The following CALN1 variants were observed in gnomAD, a reference collection of about 807,000 sequenced individuals.
CALN1 encodes the protein calcium-binding protein 8.
Under a neutral mutation model 30.6 loss-of-function variants are expected in CALN1, and 17 were observed. That is an observed-to-expected ratio of 0.56 (90% CI 0.38 to 0.83). The LOEUF (loss-of-function observed/expected upper bound fraction) is 0.83. Ranked by LOEUF, CALN1 falls within the 40% of genes least tolerant of loss-of-function variation. The pLI, the probability that CALN1 is intolerant of heterozygous loss-of-function variation, is 0.00. For missense variants in CALN1, 291 were observed against 354.9 expected, an observed-to-expected ratio of 0.82 and a Z score of 1.45; for synonymous variants, 156 against 131.4, an observed-to-expected ratio of 1.19 and a Z score of -1.28.
At chr7:72,165,467 G>T (rs1209748119) in intron 3 of CALN1, among the ~76,000 whole-genome samples, 11 of 151,958 alleles carry the variant, frequency 7.2e-5, no homozygotes, top group Non-Finnish European at 1.3e-4. Flanking sequence ...TACTCAGGAG[G>T]CTGAGACAGG....
At chr7:72,186,771 T>C (rs1269754361) in intron 3 of CALN1, among the ~76,000 whole-genome samples, 2 of 152,122 alleles carry the variant, frequency 1.3e-5, no homozygotes, top group African/African-American at 2.4e-5. Context: ...TGTAGTATTC[T>C]ATGGCGCACA....
chr7:72,447,209 T>C (rs1451505244), upstream of CALN1: 2 of 152,664 alleles, frequency 1.3e-5, no homozygotes, highest in African/African-American at 4.8e-5. Context: ...ACTGAGCAGA[T>C]TTAAAGGGCT....
rs3032250 is a variant in CALN1, at chr7:72,278,008, C to CGGGGG, written c.244+673_244+677dup. Among the ~76,000 whole-genome samples the CGGGGG allele has an allele frequency of 1.2e-3, 59 of 49,012 alleles. No individual in the cohort carries two copies. The East Asian group carries it at 0.014, about 12-fold the overall frequency. 32.2% of individuals were successfully genotyped at this position (49,012 alleles called of 152,430 possible). ...GCCAAATCAACCTAATCCTCTATTC[C>CGGGGG]GGGGGGGGGGGACTTGTTTTTCCTA... On this transcript the variant is annotated intron_variant, in intron 3 of 6. Transcript: ENST00000395275.
chr7:72,158,741 T>C (rs946361757), intron 3 of CALN1, among the ~76,000 whole-genome samples: 33 of 152,188 alleles, frequency 2.2e-4, no homozygotes, highest in African/African-American at 7.5e-4. Flanking sequence ...GCATTAAGGG[T>C]AGTGGAGCGA....
chr7:72,284,872 T>C (rs1797980105), intron 2 of CALN1, among the ~76,000 whole-genome samples: 1 of 151,988 alleles, frequency 6.6e-6, no homozygotes, highest in African/African-American at 2.4e-5. Context: ...GATGGATAGG[T>C]AGGTAGGTAG....
chr7:72,256,551 T>C (rs939286807), intron 3 of CALN1, among the ~76,000 whole-genome samples: 1 of 152,176 alleles, frequency 6.6e-6, no homozygotes, highest in African/African-American at 2.4e-5. Context: ...GACTTGGTTT[T>C]TCCCTTTCAC....
chr7:72,151,323 CA>C (rs1787228811), intron 3 of CALN1, among the ~76,000 whole-genome samples: 1 of 151,320 alleles, frequency 6.6e-6, no homozygotes, highest in Non-Finnish European at 1.5e-5. Flanking sequence ...CATCTTCACG[CA>C]ATCTTCTAAT....
chr7:72,219,472 C>T (rs899818451), intron 3 of CALN1, among the ~76,000 whole-genome samples: 6 of 152,104 alleles, frequency 3.9e-5, no homozygotes, highest in African/African-American at 1.4e-4. Flanking sequence ...TCAAGTGATC[C>T]TCCTGCCCCA....
intron 1 of CALN1, 41 bp from the exon 2 acceptor site, chr7:72,403,483 G>A (rs1806488389): frequency 2.7e-6 from 2 of 746,314 alleles, no homozygotes; most frequent in Non-Finnish European, 4.2e-6. Flanking sequence ...GCACAGTGCT[G>A]GGCGATTATT....
chr7:71,823,175 CGT>C (rs1788691024), intron 5 of CALN1, among the ~76,000 whole-genome samples: 1 of 145,546 alleles, frequency 6.9e-6, no homozygotes, highest in African/African-American at 2.7e-5. Flanking sequence ...TCTCTCTCTC[CGT>C]CTCTCTCTCT....
At chr7:71,930,620 G>A (rs958806044) in intron 5 of CALN1, among the ~76,000 whole-genome samples, 1 of 152,146 alleles carries the variant, frequency 6.6e-6, no homozygotes, top group Non-Finnish European at 1.5e-5. Flanking sequence ...TGTGCTTTAT[G>A]AACATTTGCT....
chr7:71,922,800 A>G (rs1170943203), intron 5 of CALN1, among the ~76,000 whole-genome samples: 2 of 141,548 alleles, frequency 1.4e-5, no homozygotes, highest in African/African-American at 5.2e-5. Flanking sequence ...GACCGAATAT[A>G]TTATATATAA....
At chr7:72,497,299 G>A in the CALN1 span, among the ~76,000 whole-genome samples, 1 of 152,150 alleles carries the variant, frequency 6.6e-6, no homozygotes, top group Non-Finnish European at 1.5e-5. Flanking sequence ...AACTAGCCAG[G>A]CGTGGTGGCA....
rs1793396153 is a variant in CALN1 at position 71,791,677 on chromosome 7, C to T, written c.659-3775G>A. 2.6e-5 allele frequency among the ~76,000 whole-genome samples: 4 copies of T among 152,150 alleles called. No individual in the cohort carries two copies. The South Asian group carries it at 8.3e-4, about 32-fold the overall frequency. Reference sequence around the variant, plus strand: ...GACACGAGTTTACCTACAGAACAAACCTGCACATGTATCCCTGAACCTAAA... The same window carrying T: ...GACACGAGTTTACCTACAGAACAAATCTGCACATGTATCCCTGAACCTAAA... On this transcript the variant is annotated intron_variant, in intron 6 of 6. Transcript: ENST00000395275.
intron 5 of CALN1, among the ~76,000 whole-genome samples, chr7:72,011,980 A>G (rs1022522621): frequency 3.3e-5 from 5 of 152,176 alleles, no homozygotes; most frequent in African/African-American, 1.2e-4. Flanking sequence ...CTGGGCGTCT[A>G]CAGTTCACAT....
chr7:72,369,997 T>C (rs775489392), intron 2 of CALN1, among the ~76,000 whole-genome samples: 15 of 152,130 alleles, frequency 9.9e-5, no homozygotes, highest in Admixed American at 4.6e-4. Flanking sequence ...AAATGTAATG[T>C]ACATCATACA....
rs190608072 is a variant in CALN1, at chr7:71,810,512, T to A, written c.502-20A>T. ...GTCAAACTGTGGAGATAAAGAGTAG[T>A]GAGATGGTCAGAAGCATGTGGAGAT... On this transcript the variant is annotated intron_variant, in intron 5 of 6. Transcript: ENST00000395275. 1,097 of 1,610,408 alleles carry A rather than the reference T, an allele frequency of 6.8e-4. 6 individuals carry two copies. The highest frequency in any genetic ancestry group is 3.5e-3 in the South Asian group (321 of 90,512).
At chr7:72,170,420 C>G (rs918742877) in intron 3 of CALN1, among the ~76,000 whole-genome samples, 2 of 152,150 alleles carry the variant, frequency 1.3e-5, no homozygotes, top group African/African-American at 4.8e-5. Flanking sequence ...TGACAAGGTC[C>G]TATATAAGTC....
At chr7:71,897,773 C>A (rs1793604369) in intron 5 of CALN1, among the ~76,000 whole-genome samples, 1 of 150,510 alleles carries the variant, frequency 6.6e-6, no homozygotes, top group South Asian at 2.1e-4. Context: ...ATAGTGTGGC[C>A]TATGAAGAGA....
Sources: gnomAD v4.1 joint callset for allele counts (sites outside exome capture counted in the v4.1 genomes callset) on GRCh38, gnomAD v4.1.1 for gene constraint, MANE v1.5 for transcripts, NCBI Gene and HGNC (gene_info 2026-07-23, HGNC 2026-07-21) for gene names.